The following PARD3 variants were observed in gnomAD, a reference collection of about 807,000 sequenced individuals.
The protein encoded by PARD3 is par-3 family cell polarity regulator.
In PARD3, 75 loss-of-function variants were observed where a neutral mutation model predicts 155.4. That is an observed-to-expected ratio of 0.48 (90% CI 0.40 to 0.58). The LOEUF (loss-of-function observed/expected upper bound fraction) is 0.58. Ranked by LOEUF, PARD3 falls within the 20% of genes least tolerant of loss-of-function variation. The pLI is 0.00. For synonymous variants in PARD3, 576 were observed against 610.5 expected, an observed-to-expected ratio of 0.94 and a Z score of 0.83; for missense variants, 1,642 against 1,721.7, an observed-to-expected ratio of 0.95 and a Z score of 0.82.
chr10:34,387,007 G>C (rs1344980166), intron 7 of PARD3, among the ~76,000 whole-genome samples: 2 of 152,102 alleles, frequency 1.3e-5, no homozygotes, highest in Non-Finnish European at 2.9e-5. Context: ...AATCATAACA[G>C]AACCACATGT....
rs141493327 is a variant in PARD3, at chr10:34,329,422, G to A, written c.2833+1695C>T. ...ATACACCCAAGACAGAGAGAAGCAA[G>A]CTCTATAATTGTCAAGTAATATTGA... On this transcript the variant is annotated intron_variant, in intron 19 of 24. Coordinates refer to ENST00000374788, the MANE Select transcript of PARD3 (RefSeq NM_001184785.2). 3.7e-4 allele frequency among the ~76,000 whole-genome samples: 56 copies of A among 152,240 alleles called. No homozygotes were observed. In the East Asian group the frequency reaches 6.4e-3, roughly 17 times the overall value.
chr10:34,337,009 G>A (rs1409501455), intron 17 of PARD3, among the ~76,000 whole-genome samples: 2 of 151,980 alleles, frequency 1.3e-5, no homozygotes, highest in African/African-American at 4.8e-5. Context: ...AAAGATACAT[G>A]GACATAGCAT....
chr10:34,586,036 T>C (rs918990870), intron 2 of PARD3, among the ~76,000 whole-genome samples: 1 of 151,872 alleles, frequency 6.6e-6, no homozygotes, highest in Non-Finnish European at 1.5e-5. Context: ...TTTAAAAAAA[T>C]TACCTTCCCA....
At chr10:34,416,947 G>C (rs1845734652) in intron 5 of PARD3, among the ~76,000 whole-genome samples, 1 of 152,176 alleles carries the variant, frequency 6.6e-6, no homozygotes, top group Non-Finnish European at 1.5e-5. Flanking sequence ...AGCTAACTTT[G>C]GGAGGAATTT....
At chr10:34,124,854 G>A (rs1335692079) in intron 23 of PARD3, among the ~76,000 whole-genome samples, 1 of 152,146 alleles carries the variant, frequency 6.6e-6, no homozygotes, top group African/African-American at 2.4e-5. Context: ...AACAAGCCAG[G>A]CACTTTAGTA....
intron 4 of PARD3, among the ~76,000 whole-genome samples, chr10:34,469,400 C>T (rs760947842): frequency 3.3e-5 from 5 of 152,156 alleles, no homozygotes; most frequent in East Asian, 3.9e-4. Context: ...GGAGCCACCA[C>T]GCCCAGCCAA....
chr10:34,158,777 C>T (rs1281016788), intron 22 of PARD3, among the ~76,000 whole-genome samples: 3 of 152,180 alleles, frequency 2.0e-5, no homozygotes, highest in Admixed American at 6.5e-5. Flanking sequence ...ACTAATTCAA[C>T]AAAGGAATGA....
chr10:34,768,002 T>C (rs898553442), intron 1 of PARD3, among the ~76,000 whole-genome samples: 5 of 152,062 alleles, frequency 3.3e-5, no homozygotes, highest in African/African-American at 1.2e-4. Flanking sequence ...GAAGCATGAG[T>C]TTGTTTTCAA....
intron 22 of PARD3, among the ~76,000 whole-genome samples, chr10:34,224,932 T>C (rs1395372142): frequency 2.0e-5 from 3 of 152,358 alleles, no homozygotes; most frequent in Admixed American, 6.5e-5. Context: ...TTCCTTTTCC[T>C]GAACAAGCTG....
At chr10:34,122,917 G>T (rs982735852) in intron 23 of PARD3, among the ~76,000 whole-genome samples, 9 of 152,202 alleles carry the variant, frequency 5.9e-5, no homozygotes, top group African/African-American at 1.9e-4. Flanking sequence ...AAAATAAAGT[G>T]AAGAAAAGAG....
intron 19 of PARD3, among the ~76,000 whole-genome samples, chr10:34,326,202 T>G (rs1035226932): frequency 6.6e-6 from 1 of 152,094 alleles, no homozygotes; most frequent in African/African-American, 2.4e-5. Flanking sequence ...TTCATTGCAC[T>G]TTCTGCTAAG....
intron 22 of PARD3, among the ~76,000 whole-genome samples, chr10:34,199,269 T>A (rs915463328): frequency 6.6e-6 from 1 of 152,192 alleles, no homozygotes; most frequent in African/African-American, 2.4e-5. Flanking sequence ...TCTTCCTGTC[T>A]CCTTGTCAGT....
intron 3 of PARD3, among the ~76,000 whole-genome samples, chr10:34,494,007 G>A (rs935419509): frequency 6.6e-5 from 10 of 152,120 alleles, no homozygotes; most frequent in Admixed American, 3.9e-4. Context: ...CATGGAAATG[G>A]GAAAATGTGA....
Position 34,500,133 on chromosome 10 carries a change from G to A in PARD3, c.403+16846C>T, listed in dbSNP as rs78401297. 6.3e-3 allele frequency among the ~76,000 whole-genome samples: 963 copies of A among 152,228 alleles called. 8 individuals carry two copies. The highest frequency in any genetic ancestry group is 0.022 in the African/African-American group (912 of 41,524). ...TTGCTGAATGCAAAGCATCAAACCC[G>A]TGCTACACACACACAGGGATGATGA... is the stretch of plus-strand genomic sequence containing the variant. On this transcript the variant is annotated intron_variant, in intron 3 of 24. Coordinates refer to ENST00000374788, the MANE Select transcript of PARD3 (RefSeq NM_001184785.2).
chr10:34,764,171 C>T (rs1282091816), intron 1 of PARD3, among the ~76,000 whole-genome samples: 1 of 152,164 alleles, frequency 6.6e-6, no homozygotes, highest in East Asian at 1.9e-4. Context: ...TCTCAAGAAA[C>T]CCAATAGAAA....
chr10:34,152,731 C>T (rs998763516), intron 22 of PARD3, among the ~76,000 whole-genome samples: 2 of 152,048 alleles, frequency 1.3e-5, no homozygotes, highest in Non-Finnish European at 2.9e-5. Flanking sequence ...AGAACAGTAT[C>T]CAGTCTGTAC....
At chr10:34,374,749 G>T in intron 11 of PARD3, 125 bp downstream of exon 11, 1 of 908,930 alleles carries the variant, frequency 1.1e-6, no homozygotes, top group South Asian at 1.6e-5. Flanking sequence ...AGTGAGGGCT[G>T]AAAGAAATAT....
At chr10:34,210,395 C>A (rs1402968341) in intron 22 of PARD3, among the ~76,000 whole-genome samples, 1 of 152,090 alleles carries the variant, frequency 6.6e-6, no homozygotes, top group African/African-American at 2.4e-5. Flanking sequence ...ACATACTTTG[C>A]GTGTGGATGT....
At chr10:34,791,645 C>G (rs1173353910) in intron 1 of PARD3, among the ~76,000 whole-genome samples, 3 of 152,112 alleles carry the variant, frequency 2.0e-5, no homozygotes, top group African/African-American at 7.2e-5. Flanking sequence ...GGAGGCCCAG[C>G]TGTGACAATC....
Sources: gnomAD v4.1 joint callset for allele counts (sites outside exome capture counted in the v4.1 genomes callset) on GRCh38, gnomAD v4.1.1 for gene constraint, MANE v1.5 for transcripts, NCBI Gene and HGNC (gene_info 2026-07-23, HGNC 2026-07-21) for gene names.